SPRED2: variants seen among roughly 807,000 people sequenced by gnomAD.
The protein encoded by SPRED2 is sprouty related EVH1 domain containing 2.
SPRED2 carries 47 observed loss-of-function variants against 43.0 expected under a neutral mutation model. The ratio of observed to expected loss-of-function variants is 1.09; its 90% CI spans 0.87 to 1.40. SPRED2 has a LOEUF of 1.40. SPRED2 is among the 40% of genes most tolerant of loss of function. The pLI is 0.00. For missense variants in SPRED2, 561 were observed against 586.4 expected, an observed-to-expected ratio of 0.96 and a Z score of 0.45; for synonymous variants, 225 against 225.7, an observed-to-expected ratio of 1.00 and a Z score of 0.03.
At position 65,431,430 on chromosome 2, in the gene SPRED2, T is replaced by G. The variant is rs933602169; in HGVS notation, c.26+532A>C. 3.8e-4 allele frequency among the ~76,000 whole-genome samples: 58 copies of G among 151,966 alleles called. 1 individual carries two copies. The highest frequency in any genetic ancestry group is 9.4e-4 in the African/African-American group (39 of 41,512). On this transcript the variant is annotated intron_variant, in intron 1 of 5. Transcript: ENST00000356388. ...ACCAGACCCCCGCGCAGCCCGCGCC[T>G]GTCCTCCTCTCGCTCCGCCGTGTTT...
downstream of SPRED2, among the ~76,000 whole-genome samples, chr2:65,309,156 C>CA (rs11334053): frequency 0.18 from 24,553 of 137,944 alleles, 2,218 homozygotes; most frequent in South Asian, 0.24. Context: ...AACTCAGTCT[C>CA]AAAAAAAAAA....
chr2:65,402,399 C>T (rs1387376367), intron 1 of SPRED2, among the ~76,000 whole-genome samples: 3 of 151,910 alleles, frequency 2.0e-5, no homozygotes, highest in South Asian at 4.2e-4. Flanking sequence ...GCGGGCTGCC[C>T]ACTGTAGGGG....
In SPRED2 at chr2:65,316,764, T is replaced by C; in HGVS notation, c.558A>G (p.Ser186=). 6.2e-7 allele frequency: 1 copy of C among 1,612,220 alleles called. No individual in the cohort carries two copies. The highest frequency in any genetic ancestry group is 8.5e-7 in the Non-Finnish European group (1 of 1,179,406). Residue 186 remains serine, a synonymous_variant, in exon 5 of 6, where the codon TCA becomes TCG. Coordinates refer to ENST00000356388, the MANE Select transcript of SPRED2 (RefSeq NM_181784.3). ...CGAGGTGATAGTGGTCTGTGGGGTA[T>C]GAGTCGTGGAGGTGGCCCAGGGTAT... ...RIYTLGHLHD[S]YPTDHYHLDQ... is the part of the protein sequence containing the mutation.
At chr2:65,340,228 G>A (rs1368737618) in intron 2 of SPRED2, among the ~76,000 whole-genome samples, 2 of 152,168 alleles carry the variant, frequency 1.3e-5, no homozygotes, top group South Asian at 4.1e-4. Flanking sequence ...CTGAGGTCCT[G>A]AATAAAATTT....
intron 1 of SPRED2, among the ~76,000 whole-genome samples, chr2:65,401,930 C>CGCACGCGT (rs1553426588): frequency 9.9e-6 from 1 of 101,302 alleles, no homozygotes; most frequent in African/African-American, 4.7e-5. Context: ...AATATTAGCG[C>CGCACGCGT]GCGCGCGCAC....
chr2:65,376,305 C>T (rs1425340991), intron 1 of SPRED2, among the ~76,000 whole-genome samples: 2 of 152,184 alleles, frequency 1.3e-5, no homozygotes, highest in Admixed American at 6.5e-5. Context: ...CAGGGCACGG[C>T]ATTCCATGGG....
At chr2:65,307,592 C>T (rs2104075790), downstream of SPRED2, among the ~76,000 whole-genome samples, 1 of 151,462 alleles carries the variant, frequency 6.6e-6, no homozygotes, top group East Asian at 1.9e-4. Context: ...GAAAGGGTAC[C>T]AGGTATGATT....
chr2:65,382,126 G>A (rs1215940452), intron 1 of SPRED2, among the ~76,000 whole-genome samples: 1 of 152,174 alleles, frequency 6.6e-6, no homozygotes, highest in Non-Finnish European at 1.5e-5. Context: ...GGGTTAAAAG[G>A]CAGCTACTGG....
In SPRED2 at chr2:65,316,870, CT is replaced by C; in HGVS notation, c.451del (p.Ser151ValfsTer55). ...DDDVFTTATD[S>X]SSNSSQKREQ... ...TCTCTTCTGAGAGGAATTAGAAGAA[CT>C]GTCTGTAGCTGTCTGTGTAGAGGGA... On this transcript the variant is annotated frameshift_variant, in exon 5 of 6. Coordinates refer to ENST00000356388, the MANE Select transcript of SPRED2 (RefSeq NM_181784.3). LOFTEE classifies it high-confidence loss of function. 6.2e-7 allele frequency: 1 copy of C among 1,613,726 alleles called. No homozygotes were observed. Among genetic ancestry groups the C allele is most frequent in the Non-Finnish European group, 8.5e-7 (1 of 1,179,930 alleles).
intron 1 of SPRED2, among the ~76,000 whole-genome samples, chr2:65,404,338 C>CA (rs1675974027): frequency 6.6e-6 from 1 of 152,160 alleles, no homozygotes; most frequent in African/African-American, 2.4e-5. Context: ...AATATACTCA[C>CA]AAAGTTAACC....
At position 65,356,557 on chromosome 2, in the gene SPRED2, T is replaced by TG. The variant is rs1221683487; in HGVS notation, c.27-11662_27-11661insC. ...CCCTCTTTTTTTTTTTTTTTTTTTT[T>TG]TGTGTGTGTGTACCTGCTATCTACC... On this transcript the variant is annotated intron_variant, in intron 1 of 5. Coordinates refer to ENST00000356388, the MANE Select transcript of SPRED2 (RefSeq NM_181784.3). Among the ~76,000 whole-genome samples, 917 of 122,602 alleles carry TG rather than the reference T, an allele frequency of 7.5e-3. 11 individuals carry two copies. The highest frequency in any genetic ancestry group is 0.03 in the African/African-American group (864 of 28,504). The allele number at this position is 122,602 out of a possible 152,430, so 80.4% of individuals were successfully genotyped here.
intron 4 of SPRED2, among the ~76,000 whole-genome samples, chr2:65,330,275 A>G (rs1196993528): frequency 2.0e-5 from 3 of 152,246 alleles, no homozygotes; most frequent in Admixed American, 6.5e-5. Context: ...ACAATGGGAG[A>G]CAAGTTTAAT....
intron 1 of SPRED2, among the ~76,000 whole-genome samples, chr2:65,350,015 A>G (rs144489401): frequency 7.3e-4 from 111 of 152,356 alleles, no homozygotes; most frequent in African/African-American, 2.5e-3. Flanking sequence ...ATCCAGCTGC[A>G]TGGCTGCGTG....
intron 1 of SPRED2, among the ~76,000 whole-genome samples, chr2:65,357,551 C>G (rs1674690228): frequency 1.3e-5 from 2 of 152,150 alleles, no homozygotes; most frequent in Admixed American, 6.5e-5. Flanking sequence ...TTGAAAGGAC[C>G]TCGTGTGGTG....
chr2:65,315,107 T>A (rs940769339), intron 5 of SPRED2, among the ~76,000 whole-genome samples: 2 of 146,058 alleles, frequency 1.4e-5, no homozygotes, highest in African/African-American at 5.6e-5. Context: ...ATTAATTACA[T>A]GCATATAACC....
intron 1 of SPRED2, chr2:65,366,502 T>G: frequency 7.1e-7 from 1 of 1,412,096 alleles, no homozygotes; most frequent in Non-Finnish European, 9.7e-7. Flanking sequence ...ATTTTCTCCT[T>G]TAAAAAAATG....
chr2:65,308,041 T>C (rs1044355475), downstream of SPRED2, among the ~76,000 whole-genome samples: 2 of 141,122 alleles, frequency 1.4e-5, no homozygotes, highest in Admixed American at 7.5e-5. Flanking sequence ...TCCTGTAAAA[T>C]AGAGCTCCTC....
At chr2:65,401,362 A>G (rs1394837377) in intron 1 of SPRED2, among the ~76,000 whole-genome samples, 1 of 152,164 alleles carries the variant, frequency 6.6e-6, no homozygotes, top group Non-Finnish European at 1.5e-5. Flanking sequence ...GGGAACTTGC[A>G]GCTTAGCAAG....
chr2:65,323,526 A>G (rs2104161343), intron 4 of SPRED2, among the ~76,000 whole-genome samples: 1 of 152,018 alleles, frequency 6.6e-6, no homozygotes, highest in African/African-American at 2.4e-5. Flanking sequence ...ATTTAAAAAA[A>G]CAAGAAACAG....
Sources: allele counts gnomAD v4.1 joint callset (sites outside exome capture counted in the v4.1 genomes callset), GRCh38; gene constraint gnomAD v4.1.1; transcripts MANE v1.5; gene names NCBI Gene and HGNC (gene_info 2026-07-23, HGNC 2026-07-21).